The following KCTD8 variants were observed in gnomAD, a reference collection of about 807,000 sequenced individuals.
KCTD8 encodes the protein BTB/POZ domain-containing protein KCTD8.
Under a neutral mutation model 31.5 loss-of-function variants are expected in KCTD8, and 27 were observed. That is an observed-to-expected ratio of 0.86 (90% confidence interval 0.63 to 1.18). The LOEUF is 1.18. Ranked by LOEUF, KCTD8 falls within the 50% of genes most tolerant of loss-of-function variation. The probability of loss-of-function intolerance (pLI) is 0.00; values close to 1 mark genes in which losing one functional copy is unlikely to be tolerated. For synonymous variants in KCTD8, 290 were observed against 280.0 expected, an observed-to-expected ratio of 1.04 and a Z score of -0.36; for missense variants, 658 against 647.7, an observed-to-expected ratio of 1.02 and a Z score of -0.17.
intron 1 of KCTD8, among the ~76,000 whole-genome samples, chr4:44,188,308 G>C (rs1334775204): frequency 6.6e-6 from 1 of 152,178 alleles, no homozygotes; most frequent in African/African-American, 2.4e-5. Flanking sequence ...GCATATATGT[G>C]CATAGCAGGG....
At chr4:44,325,249 G>A (rs1418499189) in intron 1 of KCTD8, among the ~76,000 whole-genome samples, 1 of 151,882 alleles carries the variant, frequency 6.6e-6, no homozygotes, top group Admixed American at 6.6e-5. Flanking sequence ...TTAAAATACA[G>A]GAGAAATTCA....
chr4:44,249,112 G>A (rs1020646881), intron 1 of KCTD8, among the ~76,000 whole-genome samples: 1 of 151,618 alleles, frequency 6.6e-6, no homozygotes, highest in Non-Finnish European at 1.5e-5. Flanking sequence ...ATGATCCTGA[G>A]GATTATGAGC....
intron 1 of KCTD8, among the ~76,000 whole-genome samples, chr4:44,235,112 TGAC>T (rs1430966387): frequency 6.6e-6 from 1 of 151,180 alleles, no homozygotes; most frequent in Non-Finnish European, 1.5e-5. Flanking sequence ...ATGATGATGA[TGAC>T]AATGATGATG....
At chr4:44,363,627 T>C (rs972886527) in intron 1 of KCTD8, among the ~76,000 whole-genome samples, 3 of 152,136 alleles carry the variant, frequency 2.0e-5, no homozygotes, top group Non-Finnish European at 4.4e-5. Flanking sequence ...AACATATTGG[T>C]TCTATTCAAA....
intron 1 of KCTD8, among the ~76,000 whole-genome samples, chr4:44,308,262 ATCAT>A (rs1256783665): frequency 6.6e-6 from 1 of 152,036 alleles, no homozygotes; most frequent in Non-Finnish European, 1.5e-5. Flanking sequence ...AGTATAATCA[ATCAT>A]TCAATCAATC....
At position 44,175,329 on chromosome 4, in the gene KCTD8, A is replaced by G. The variant is rs987693706; in HGVS notation, c.962-79T>C. On this transcript the variant is annotated intron_variant, in intron 1 of 1. Coordinates refer to ENST00000360029, the MANE Select transcript of KCTD8 (RefSeq NM_198353.3). ...GAAGGTAAAATTAAATGAACTCTAT[A>G]TTTTCTATTTTAAACCAAGAACATT... is the stretch of plus-strand genomic sequence containing the variant. The G allele has an allele frequency of 4.1e-5, 34 of 824,830 alleles. No individual in the cohort carries two copies. The African/African-American group carries it at 5.7e-4, about 14-fold the overall frequency. 51.1% of individuals were successfully genotyped at this position (824,830 alleles called of 1,614,324 possible). A position where few individuals can be genotyped will look rare whatever the true frequency, so the allele number is the denominator to read the frequency against.
intron 1 of KCTD8, among the ~76,000 whole-genome samples, chr4:44,368,570 T>C (rs1381426663): frequency 6.6e-6 from 1 of 152,136 alleles, no homozygotes; most frequent in Non-Finnish European, 1.5e-5. Flanking sequence ...AGCTATGCTT[T>C]AGATCCCCTG....
At chr4:44,237,964 C>A (rs1475067922) in intron 1 of KCTD8, among the ~76,000 whole-genome samples, 1 of 152,144 alleles carries the variant, frequency 6.6e-6, no homozygotes, top group East Asian at 1.9e-4. Context: ...CCAAAACAAC[C>A]TATTAAAAAT....
At chr4:44,186,041 A>C (rs971188489) in intron 1 of KCTD8, among the ~76,000 whole-genome samples, 1 of 152,126 alleles carries the variant, frequency 6.6e-6, no homozygotes, top group Admixed American at 6.6e-5. Context: ...TTCGTAGCCA[A>C]ATGTGCATTT....
intron 1 of KCTD8, among the ~76,000 whole-genome samples, chr4:44,314,619 C>T (rs1170296487): frequency 1.3e-5 from 2 of 152,016 alleles, no homozygotes; most frequent in African/African-American, 4.8e-5. Context: ...GGATATCTCA[C>T]TGGACATTTT....
rs140160486 is a variant in KCTD8, at chr4:44,175,016, T to C, written c.1196A>G (p.Gln399Arg). 383 of 1,614,108 alleles carry C rather than the reference T, an allele frequency of 2.4e-4. 4 individuals are homozygous for C. In the Admixed American group the frequency reaches 6.2e-3, roughly 26 times the overall value. The change falls in exon 2 of 2, where the codon CAA becomes CGA. Residue 399 changes from glutamine (Q) to arginine (R), a missense_variant. Physicochemically the swap from Gln to Arg is conservative, Grantham distance 43 (BLOSUM62 1). Coordinates refer to ENST00000360029, the MANE Select transcript of KCTD8 (RefSeq NM_198353.3). ...GCGTTTGTCTGGTGGGGGTATCCAT[T>C]GTACAGGTGCTTTTTTAGAGGGGCG... Reference protein sequence around the residue: ...LDRPSKKAPVQWIPPPDKRRN... With the variant: ...LDRPSKKAPVRWIPPPDKRRN...
intron 1 of KCTD8, among the ~76,000 whole-genome samples, chr4:44,370,671 T>C (rs1719760536): frequency 6.6e-6 from 1 of 152,202 alleles, no homozygotes; most frequent in African/African-American, 2.4e-5. Context: ...TCTGGTTTTT[T>C]ATAAGCAAAA....
In KCTD8 at chr4:44,409,405, G is replaced by C. The variant is rs553658785; in HGVS notation, c.961+38158C>G. Among the ~76,000 whole-genome samples the C allele has an allele frequency of 3.9e-5, 6 of 152,186 alleles. No individual in the cohort carries two copies. The South Asian group carries it at 1.2e-3, about 32-fold the overall frequency. On this transcript the variant is annotated intron_variant, in intron 1 of 1. Coordinates refer to ENST00000360029, the MANE Select transcript of KCTD8 (RefSeq NM_198353.3). ...CTGTATAAATCTGTGCTAGGAGGGT[G>C]GTTTGCCTCCCCTAATAGGCAGAAA...
chr4:44,314,759 T>C (rs1022222186), intron 1 of KCTD8, among the ~76,000 whole-genome samples: 10 of 152,014 alleles, frequency 6.6e-5, no homozygotes, highest in African/African-American at 2.4e-4. Flanking sequence ...TATCAGTACA[T>C]AGAGATTTAT....
At chr4:44,410,098 T>C (rs1440231645) in intron 1 of KCTD8, among the ~76,000 whole-genome samples, 1 of 152,214 alleles carries the variant, frequency 6.6e-6, no homozygotes, top group Non-Finnish European at 1.5e-5. Context: ...TTCCCTCCCT[T>C]GTTATACCTA....
chr4:44,185,153 T>C (rs1325002131), intron 1 of KCTD8, among the ~76,000 whole-genome samples: 1 of 152,224 alleles, frequency 6.6e-6, no homozygotes, highest in African/African-American at 2.4e-5. Flanking sequence ...TTCCTATGAC[T>C]CAGTTATTTC....
In KCTD8 at chr4:44,272,082, C is replaced by T. The variant is rs150575199; in HGVS notation, c.962-96832G>A. Among the ~76,000 whole-genome samples, 909 of 149,444 alleles carry T rather than the reference C, an allele frequency of 6.1e-3. 13 individuals carry two copies. Among genetic ancestry groups the T allele is most frequent in the African/African-American group, 0.021 (846 of 39,596 alleles). Reference sequence around the variant, plus strand: ...AGAAGACATACATTGAGTGTCAACACATAGTAGAGGTCCATCAATAAATAC... The same window carrying T: ...AGAAGACATACATTGAGTGTCAACATATAGTAGAGGTCCATCAATAAATAC... On this transcript the variant is annotated intron_variant, in intron 1 of 1. Coordinates refer to ENST00000360029, the MANE Select transcript of KCTD8 (RefSeq NM_198353.3).
chr4:44,429,373 T>C (rs1721418387), intron 1 of KCTD8, among the ~76,000 whole-genome samples: 1 of 151,760 alleles, frequency 6.6e-6, no homozygotes, highest in Non-Finnish European at 1.5e-5. Context: ...CAAGTCACAG[T>C]AGTCATCAGT....
intron 1 of KCTD8, among the ~76,000 whole-genome samples, chr4:44,221,981 G>A (rs1254785284): frequency 1.3e-5 from 2 of 152,086 alleles, no homozygotes; most frequent in Middle Eastern, 3.2e-3. Flanking sequence ...TGCTTTCTAG[G>A]GGCAAAGAGG....
Sources: gnomAD v4.1 joint callset for allele counts (sites outside exome capture counted in the v4.1 genomes callset) on GRCh38, gnomAD v4.1.1 for gene constraint, MANE v1.5 for transcripts, NCBI Gene and HGNC (gene_info 2026-07-23, HGNC 2026-07-21) for gene names.